Variants in BMPR1A observed in about 807,000 individuals in gnomAD.
The protein encoded by BMPR1A is bone morphogenetic protein receptor type-1A.
A neutral mutation model predicts 66.0 loss-of-function variants in BMPR1A; 7 were observed. That is an observed-to-expected ratio of 0.11 (90% CI 0.06 to 0.20). The LOEUF (loss-of-function observed/expected upper bound fraction) is 0.20, where lower values mean the gene tolerates loss of function less well. BMPR1A is among the 10% of genes least tolerant of loss of function. BMPR1A has a pLI of 1.00. For missense variants in BMPR1A, 408 were observed against 669.1 expected (o/e 0.61, Z 4.31); for synonymous variants, 200 against 229.7 (o/e 0.87, Z 1.17).
chr10:86,790,885 A>G (rs1479650355), intron 1 of BMPR1A, among the ~76,000 whole-genome samples: 1 of 152,220 alleles, frequency 6.6e-6, no homozygotes, highest in Non-Finnish European at 1.5e-5. Flanking sequence ...TATATCTCCA[A>G]AGAATGGAAT....
intron 1 of BMPR1A, among the ~76,000 whole-genome samples, chr10:86,832,395 G>A (rs1411822519): frequency 2.0e-5 from 3 of 151,850 alleles, no homozygotes; most frequent in Admixed American, 2.0e-4. Context: ...GAACCCGGGA[G>A]GCAGAGGTTG....
At chr10:86,821,440 G>A (rs142371710) in intron 1 of BMPR1A, among the ~76,000 whole-genome samples, 1 of 152,092 alleles carries the variant, frequency 6.6e-6, no homozygotes, top group Admixed American at 6.5e-5. Context: ...TAAGCGTGTT[G>A]TAAGACCATA....
In BMPR1A at chr10:86,799,469, TCTTCCTTCCTTC is replaced by T. The variant is rs4029467; in HGVS notation, c.-267-39368_-267-39357del. ...TGTACATTTTCTTTCTTCCTTCCTT[TCTTCCTTCCTTC>T]CTTCCTTCCTTCCTTCCTTCCTTCC... On this transcript the variant is annotated intron_variant, in intron 1 of 12. Coordinates refer to ENST00000372037, the MANE Select transcript of BMPR1A (RefSeq NM_004329.3). Among the ~76,000 whole-genome samples, 622 of 120,994 alleles carry T rather than the reference TCTTCCTTCCTTC, an allele frequency of 5.1e-3. 4 individuals carry two copies. The highest frequency in any genetic ancestry group is 8.4e-3 in the Non-Finnish European group (468 of 55,642). 79.4% of individuals were successfully genotyped at this position (120,994 alleles called of 152,430 possible). A position where few individuals can be genotyped will look rare whatever the true frequency, so the allele number is the denominator to read the frequency against.
intron 2 of BMPR1A, among the ~76,000 whole-genome samples, chr10:86,865,848 TAGG>T (rs1199119112): frequency 6.6e-6 from 1 of 152,142 alleles, no homozygotes; most frequent in African/African-American, 2.4e-5. Context: ...TAGATCCTCT[TAGG>T]AGGGGGTGGT....
At chr10:86,872,002 A>G (rs117604543) in intron 2 of BMPR1A, among the ~76,000 whole-genome samples, 8,560 of 152,198 alleles carry the variant, frequency 0.056, 380 homozygotes, top group Non-Finnish European at 0.079. Context: ...AGGCCTGGCC[A>G]GGTGGAATAC....
At position 86,824,081 on chromosome 10, in the gene BMPR1A, T is replaced by TTGTGTGTGTGTGTGTGTGTGTGTGTG. The variant is rs71477609; in HGVS notation, c.-267-14778_-267-14753dup. On this transcript the variant is annotated intron_variant, in intron 1 of 12. Transcript: ENST00000372037. Reference sequence around the variant, plus strand: ...TGGCCCCTGGAAATATTACCAAGGGTTGTGTGTGTGTGTGTGTGTGTGTGT... The same window carrying TTGTGTGTGTGTGTGTGTGTGTGTGTG: ...TGGCCCCTGGAAATATTACCAAGGGTTGTGTGTGTGTGTGTGTGTGTGTGTGTGTGTGTGTGTGTGTGTGTGTGTGT... 3.2e-3 allele frequency among the ~76,000 whole-genome samples: 297 copies of TTGTGTGTGTGTGTGTGTGTGTGTGTG among 94,114 alleles called. 2 individuals carry two copies. Among genetic ancestry groups the TTGTGTGTGTGTGTGTGTGTGTGTGTG allele is most frequent in the African/African-American group, 7.6e-3 (266 of 34,842 alleles). The allele number at this position is 94,114 out of a possible 152,430, so 61.7% of individuals were successfully genotyped here. A position where few individuals can be genotyped will look rare whatever the true frequency, so the allele number is the denominator to read the frequency against.
chr10:86,756,110 T>C (rs548376941), upstream of BMPR1A: 307 of 152,286 alleles, frequency 2.0e-3, 2 homozygotes, highest in Middle Eastern at 6.8e-3. Context: ...GCAGTGTGAG[T>C]GTCGGCCGGA....
intron 1 of BMPR1A, among the ~76,000 whole-genome samples, chr10:86,819,171 C>T (rs79299792): frequency 2.8e-5 from 4 of 142,410 alleles, no homozygotes; most frequent in Non-Finnish European, 6.1e-5. Flanking sequence ...ATTATTATTA[C>T]TATTATTATT....
chr10:86,846,658 G>C (rs1025531385), intron 2 of BMPR1A, among the ~76,000 whole-genome samples: 1 of 152,008 alleles, frequency 6.6e-6, no homozygotes, highest in African/African-American at 2.4e-5. Context: ...CCAAGATTGC[G>C]CCACTGCACT....
At chr10:86,882,143 G>C (rs576941843) in intron 3 of BMPR1A, among the ~76,000 whole-genome samples, 1 of 152,290 alleles carries the variant, frequency 6.6e-6, no homozygotes, top group South Asian at 2.1e-4. Flanking sequence ...TGGGCTGTAT[G>C]GGTATGTGTG....
chr10:86,917,691 T>C (rs1330555517), intron 9 of BMPR1A, among the ~76,000 whole-genome samples: 1 of 152,242 alleles, frequency 6.6e-6, no homozygotes, highest in Non-Finnish European at 1.5e-5. Flanking sequence ...AGTTTCATTG[T>C]ACGTTCTGTG....
At chr10:86,831,597 GAACA>G (rs146163890) in intron 1 of BMPR1A, among the ~76,000 whole-genome samples, 3,558 of 152,148 alleles carry the variant, frequency 0.023, 143 homozygotes, top group African/African-American at 0.081. Flanking sequence ...TTCTACAAAC[GAACA>G]AACAAACAAA....
intron 3 of BMPR1A, among the ~76,000 whole-genome samples, chr10:86,883,565 A>AAAAAAG (rs1250195108): frequency 3.4e-5 from 5 of 147,874 alleles, no homozygotes; most frequent in Non-Finnish European, 7.5e-5. Flanking sequence ...AAAAAAAAAA[A>AAAAAAG]AAAAAGACCA....
intron 3 of BMPR1A, among the ~76,000 whole-genome samples, chr10:86,888,998 C>G (rs185634483): frequency 2.3e-4 from 35 of 152,220 alleles, no homozygotes; most frequent in Admixed American, 4.6e-4. Context: ...TGTGTTGTGT[C>G]TTGAACCACT....
intron 2 of BMPR1A, among the ~76,000 whole-genome samples, chr10:86,862,365 T>G (rs533735847): frequency 6.6e-6 from 1 of 152,286 alleles, no homozygotes; most frequent in African/African-American, 2.4e-5. Context: ...GCAGCAGGAC[T>G]GTGAGCGGCA....
chr10:86,892,786 C>T (rs1251789943), intron 5 of BMPR1A, among the ~76,000 whole-genome samples: 1 of 148,466 alleles, frequency 6.7e-6, no homozygotes, highest in African/African-American at 2.5e-5. Flanking sequence ...TTGCTTGAGC[C>T]GGGGAGGCCA....
In BMPR1A at chr10:86,906,641, G is replaced by A. The variant is rs1232164956; in HGVS notation, c.531-5599G>A. 2.2e-4 allele frequency among the ~76,000 whole-genome samples: 17 copies of A among 76,328 alleles called. 3 individuals are homozygous for A. In the South Asian group the frequency reaches 8.2e-3, roughly 37 times the overall value. 50.1% of individuals were successfully genotyped at this position (76,328 alleles called of 152,430 possible). A position where few individuals can be genotyped will look rare whatever the true frequency, so the allele number is the denominator to read the frequency against. On this transcript the variant is annotated intron_variant, in intron 7 of 12. Transcript: ENST00000372037. Reference sequence around the variant, plus strand: ...CGGGAGGCTGAGGCAGGAGGATGGCGTGAATCCGGGAGGCGGAGCTTGCAG... The same window carrying A: ...CGGGAGGCTGAGGCAGGAGGATGGCATGAATCCGGGAGGCGGAGCTTGCAG...
rs1589294351 is a variant in BMPR1A, at chr10:86,925,386, A to AC, written c.*1670dup. ...AATGGGAGGAAATCAGCATATGTCC[A>AC]CCCATTACCAAAATTTGACTATCAT... On this transcript the variant is annotated 3_prime_UTR_variant, in exon 13 of 13. Coordinates refer to ENST00000372037, the MANE Select transcript of BMPR1A (RefSeq NM_004329.3). 6 of 219,404 alleles carry AC rather than the reference A, an allele frequency of 2.7e-5. No individual in the cohort carries two copies. The East Asian group carries it at 4.1e-4, about 15-fold the overall frequency. 13.6% of individuals were successfully genotyped at this position (219,404 alleles called of 1,614,324 possible).
chr10:86,775,924 T>G (rs1841341281), intron 1 of BMPR1A, among the ~76,000 whole-genome samples: 1 of 152,154 alleles, frequency 6.6e-6, no homozygotes, highest in South Asian at 2.1e-4. Context: ...ATCTCCCTCC[T>G]TTTCGGCTGC....
Sources: allele counts gnomAD v4.1 joint callset (sites outside exome capture counted in the v4.1 genomes callset), GRCh38; gene constraint gnomAD v4.1.1; transcripts MANE v1.5; gene names NCBI Gene and HGNC (gene_info 2026-07-23, HGNC 2026-07-21).